Variants in ATRN observed in about 807,000 individuals in gnomAD.
ATRN encodes the protein attractin-2.
Under a neutral mutation model 178.7 loss-of-function variants are expected in ATRN, and 54 were observed. The observed-to-expected ratio is 0.30, with a 90% CI of 0.24 to 0.38. The LOEUF is 0.38. ATRN is among the 10% of genes least tolerant of loss of function. ATRN has a pLI of 1.00. For missense variants in ATRN, 1,443 were observed against 1,815.1 expected, an observed-to-expected ratio of 0.79 and a Z score of 3.73; for synonymous variants, 636 against 663.0, an observed-to-expected ratio of 0.96 and a Z score of 0.63.
intron 11 of ATRN, among the ~76,000 whole-genome samples, chr20:3,572,142 C>T (rs2146241256): frequency 6.6e-6 from 1 of 152,266 alleles, no homozygotes; most frequent in Middle Eastern, 3.4e-3. Context: ...TATGATTGGG[C>T]TCATATTCAT....
intron 15 of ATRN, among the ~76,000 whole-genome samples, chr20:3,580,626 G>A (rs551635579): frequency 7.1e-4 from 108 of 152,268 alleles, no homozygotes; most frequent in Non-Finnish European, 1.2e-3. Flanking sequence ...AAGACGGAAG[G>A]GCTTTCTGTG....
Position 3,505,715 on chromosome 20 carries a change from T to C in ATRN, c.411-29538T>C, listed in dbSNP as rs139066462. On this transcript the variant is annotated intron_variant, in intron 1 of 28. Coordinates refer to ENST00000262919, the MANE Select transcript of ATRN (RefSeq NM_139321.3). ...TGGATGAAGAAACATGACCCAACTA[T>C]ATATTGCTTATAGAAAAGTCACTTC... Among the ~76,000 whole-genome samples, 924 of 152,320 alleles carry C rather than the reference T, an allele frequency of 6.1e-3. 13 individuals are homozygous for C. The highest frequency in any genetic ancestry group is 0.021 in the African/African-American group (859 of 41,570).
rs1555807888 is a variant in ATRN at position 3,492,854 on chromosome 20, G to GAGGC, written c.410+21337_410+21338insAGGC. On this transcript the variant is annotated intron_variant, in intron 1 of 28. Transcript: ENST00000262919. Reference sequence around the variant, plus strand: ...AGAAAGGGAGAGAGAGAGAGAGAGAGGCGCGCGCGCGCGTGCGCACGCACA... The same window carrying GAGGC: ...AGAAAGGGAGAGAGAGAGAGAGAGAGAGGCGCGCGCGCGCGCGTGCGCACGCACA... Among the ~76,000 whole-genome samples, 309 of 132,388 alleles carry GAGGC rather than the reference G, an allele frequency of 2.3e-3. 1 individual carries two copies. Among genetic ancestry groups the GAGGC allele is most frequent in the Middle Eastern group, 4.0e-3 (1 of 252 alleles). 86.9% of individuals were successfully genotyped at this position (132,388 alleles called of 152,430 possible).
chr20:3,592,956 A>T (rs561934931), intron 19 of ATRN, among the ~76,000 whole-genome samples: 1 of 152,328 alleles, frequency 6.6e-6, no homozygotes, highest in South Asian at 2.1e-4. Flanking sequence ...TTGTGAATAG[A>T]CTTAATCCGT....
At chr20:3,639,971 G>A (rs2087055157) in intron 27 of ATRN, among the ~76,000 whole-genome samples, 1 of 152,134 alleles carries the variant, frequency 6.6e-6, no homozygotes, top group Non-Finnish European at 1.5e-5. Context: ...TCAAGATGAA[G>A]TAATTAAAGA....
intron 1 of ATRN, among the ~76,000 whole-genome samples, chr20:3,527,960 C>T (rs1395145375): frequency 1.3e-5 from 2 of 152,070 alleles, no homozygotes. Context: ...AGGAGAAATA[C>T]CTAATGTAGA....
Position 3,562,437 on chromosome 20 carries a change from T to C in ATRN, c.1609T>C (p.Tyr537His). The C allele has an allele frequency of 1.2e-6, 2 of 1,614,160 alleles. No individual in the cohort carries two copies. Among genetic ancestry groups the C allele is most frequent in the Non-Finnish European group, 1.7e-6 (2 of 1,180,004 alleles). Residue 537 changes from tyrosine to histidine, a missense_variant, in exon 9 of 29, where the codon TAT becomes CAT. Coordinates refer to ENST00000262919, the MANE Select transcript of ATRN (RefSeq NM_139321.3). Reference protein sequence around the residue: ...KYRLADDLYRYDVDTQMWTIL... With the variant: ...KYRLADDLYRHDVDTQMWTIL... ...CCGGCTTGCAGATGATCTCTACCGA[T>C]ATGATGTGGATACCCAGATGTGGTG...
At chr20:3,547,188 G>C in intron 4 of ATRN, 96 bp from the exon 5 acceptor site, 2 of 980,318 alleles carry the variant, frequency 2.0e-6, no homozygotes, top group South Asian at 3.0e-5. Context: ...AATGAACTGA[G>C]ACAGTGAGAT....
chr20:3,500,150 G>A (rs1411246719), intron 1 of ATRN, among the ~76,000 whole-genome samples: 3 of 152,160 alleles, frequency 2.0e-5, no homozygotes, highest in African/African-American at 7.2e-5. Context: ...TCTCACACCA[G>A]TTAGAATGGC....
chr20:3,578,502 T>A lies in ATRN; in HGVS notation c.2354-80T>A, dbSNP rs193040966. The A allele has an allele frequency of 1.6e-3, 2,041 of 1,270,224 alleles. 17 individuals carry two copies. Among genetic ancestry groups the A allele is most frequent in the Non-Finnish European group, 7.6e-4 (702 of 926,364 alleles). The allele number at this position is 1,270,224 out of a possible 1,614,324, so 78.7% of individuals were successfully genotyped here. On this transcript the variant is annotated intron_variant, in intron 14 of 28. Transcript: ENST00000262919. Reference sequence around the variant, plus strand: ...TTAAATTAGAAAGGCCATTTCGGTATTCAGTAATTTGAACTCATAATACAG... The same window carrying A: ...TTAAATTAGAAAGGCCATTTCGGTAATCAGTAATTTGAACTCATAATACAG...
At chr20:3,533,344 T>G (rs2085480633) in intron 1 of ATRN, among the ~76,000 whole-genome samples, 1 of 152,254 alleles carries the variant, frequency 6.6e-6, no homozygotes, top group Non-Finnish European at 1.5e-5. Context: ...ATAGCCTTTT[T>G]CTACTTCTCT....
intron 18 of ATRN, among the ~76,000 whole-genome samples, chr20:3,588,957 A>G (rs780859802): frequency 2.0e-5 from 3 of 148,294 alleles, no homozygotes; most frequent in Admixed American, 6.7e-5. Flanking sequence ...ATTTGTTAAC[A>G]TACAGTTCGT....
chr20:3,624,419 C>G, intron 24 of ATRN, 92 bp from the exon 25 acceptor site: 2 of 1,140,352 alleles, frequency 1.8e-6, no homozygotes, highest in Middle Eastern at 2.0e-4. Flanking sequence ...AAAATGTAAG[C>G]TCTGTTTTCA....
intron 5 of ATRN, among the ~76,000 whole-genome samples, chr20:3,548,929 A>G (rs2085746999): frequency 6.6e-6 from 1 of 152,186 alleles, no homozygotes; most frequent in South Asian, 2.1e-4. Flanking sequence ...TTAAGCAGGT[A>G]TTTCATTACC....
Position 3,642,577 on chromosome 20 carries a change from G to A in ATRN, c.4051-1577G>A, listed in dbSNP as rs1435337387. On this transcript the variant is annotated intron_variant, in intron 27 of 28. Coordinates refer to ENST00000262919, the MANE Select transcript of ATRN (RefSeq NM_139321.3). The stretch of plus-strand genomic sequence containing the variant: ...CTATTCCCACTTGATCTAGGCCACC[G>A]CTGTCTCTCACCTGGATTCTTGCAG... Among the ~76,000 whole-genome samples the A allele has an allele frequency of 2.6e-5, 4 of 152,184 alleles. No homozygotes were observed. The South Asian group carries it at 6.2e-4, about 24-fold the overall frequency.
chr20:3,482,322 A>G (rs1009999748), intron 1 of ATRN, among the ~76,000 whole-genome samples: 1 of 151,608 alleles, frequency 6.6e-6, no homozygotes, highest in African/African-American at 2.4e-5. Context: ...TAACATAGAG[A>G]TTGAATTTAA....
At chr20:3,555,354 A>T (rs1219614542) in intron 6 of ATRN, among the ~76,000 whole-genome samples, 1 of 152,078 alleles carries the variant, frequency 6.6e-6, no homozygotes, top group African/African-American at 2.4e-5. Flanking sequence ...AGATTCTGAT[A>T]ATTCTCGGTG....
intron 2 of ATRN, among the ~76,000 whole-genome samples, chr20:3,538,794 G>A (rs1490295999): frequency 1.3e-5 from 2 of 152,100 alleles, no homozygotes; most frequent in Admixed American, 6.6e-5. Flanking sequence ...GGCCTCCTGA[G>A]TTCTGCTTTT....
chr20:3,575,350 C>T (rs1443979670), intron 12 of ATRN, among the ~76,000 whole-genome samples: 4 of 152,212 alleles, frequency 2.6e-5, no homozygotes, highest in Non-Finnish European at 2.9e-5. Flanking sequence ...TGAATTTACA[C>T]GCATGTACAA....
Sources: gnomAD v4.1 joint callset for allele counts (sites outside exome capture counted in the v4.1 genomes callset) on GRCh38, gnomAD v4.1.1 for gene constraint, MANE v1.5 for transcripts, NCBI Gene and HGNC (gene_info 2026-07-23, HGNC 2026-07-21) for gene names.